Variants in SPAG16 observed in about 807,000 individuals in gnomAD.
SPAG16 encodes the protein sperm associated antigen 16.
Under a neutral mutation model 80.4 loss-of-function variants are expected in SPAG16, and 86 were observed. The observed-to-expected ratio is 1.07, with a 90% confidence interval of 0.90 to 1.28. The LOEUF is 1.28. Among genes scored for constraint, SPAG16 ranks in the 50% most tolerant of loss-of-function variants. The pLI is 0.00. For missense variants in SPAG16, 870 were observed against 765.3 expected (o/e 1.14, Z -1.61); for synonymous variants, 294 against 265.9 (o/e 1.11, Z -1.03).
intron 5 of SPAG16, among the ~76,000 whole-genome samples, chr2:213,328,836 C>T (rs906982421): frequency 6.6e-6 from 1 of 152,080 alleles, no homozygotes; most frequent in Non-Finnish European, 1.5e-5. Context: ...GTGTCCCCAC[C>T]CAAATCTCAT....
intron 10 of SPAG16, among the ~76,000 whole-genome samples, chr2:213,747,780 A>G (rs2067895816): frequency 1.3e-5 from 2 of 152,206 alleles, no homozygotes; most frequent in Non-Finnish European, 2.9e-5. Context: ...TCTTGATACC[A>G]TCTCAGAATA....
At chr2:214,259,272 T>C (rs1576616917) in intron 15 of SPAG16, among the ~76,000 whole-genome samples, 1 of 151,804 alleles carries the variant, frequency 6.6e-6, no homozygotes, top group Non-Finnish European at 1.5e-5. Flanking sequence ...TCAGTTGTTT[T>C]AACTGTGGCT....
At position 213,833,566 on chromosome 2, in the gene SPAG16, A is replaced by AT. The variant is rs1491310920; in HGVS notation, c.1071-28919_1071-28918insT. Among the ~76,000 whole-genome samples the AT allele has an allele frequency of 1.8e-3, 20 of 11,358 alleles. 4 individuals are homozygous for AT. Among genetic ancestry groups the AT allele is most frequent in the African/African-American group, 5.3e-3 (20 of 3,784 alleles). 7.5% of individuals were successfully genotyped at this position (11,358 alleles called of 152,430 possible). ...TATATATAATATATATAATATATAT[A>AT]ATATATATATAATATATATATTATA... On this transcript the variant is annotated intron_variant, in intron 10 of 15. Coordinates refer to ENST00000331683, the MANE Select transcript of SPAG16 (RefSeq NM_024532.5).
chr2:213,329,604 CAG>C (rs969349229), intron 5 of SPAG16, among the ~76,000 whole-genome samples: 6 of 152,252 alleles, frequency 3.9e-5, no homozygotes, highest in East Asian at 3.9e-4. Flanking sequence ...AAAAGGGAAA[CAG>C]AGCATAAAAG....
intron 10 of SPAG16, among the ~76,000 whole-genome samples, chr2:213,657,258 T>A (rs1204529853): frequency 6.6e-6 from 1 of 152,178 alleles, no homozygotes; most frequent in Non-Finnish European, 1.5e-5. Context: ...TAAACATACA[T>A]AAATAAGTAT....
At chr2:213,694,476 T>G (rs1324481999) in intron 10 of SPAG16, among the ~76,000 whole-genome samples, 1 of 152,202 alleles carries the variant, frequency 6.6e-6, no homozygotes, top group Admixed American at 6.5e-5. Context: ...ATGCGTTGCT[T>G]TCTAGTATAC....
intron 15 of SPAG16, among the ~76,000 whole-genome samples, chr2:214,154,457 G>C (rs1338155785): frequency 6.6e-6 from 1 of 151,554 alleles, no homozygotes; most frequent in African/African-American, 2.4e-5. Flanking sequence ...TCCCAAAATG[G>C]GACGAAAATA....
rs554742692 is a variant in SPAG16, at chr2:214,123,032, G to A, written c.1593+14771G>A. On this transcript the variant is annotated intron_variant, in intron 14 of 15. Coordinates refer to ENST00000331683, the MANE Select transcript of SPAG16 (RefSeq NM_024532.5). ...TTAACTTTTTGCCTTAATACTTTTT[G>A]TACTTTGGAAAGAAAATAATTTCTA... 3.3e-5 allele frequency among the ~76,000 whole-genome samples: 5 copies of A among 151,270 alleles called. No individual in the cohort carries two copies. The South Asian group carries it at 8.3e-4, about 25-fold the overall frequency.
intron 10 of SPAG16, among the ~76,000 whole-genome samples, chr2:213,624,800 G>GT (rs940294980): frequency 6.6e-5 from 10 of 151,752 alleles, no homozygotes; most frequent in East Asian, 1.9e-4. Flanking sequence ...TCAGGTTTTT[G>GT]TTTTTTTTGA....
At chr2:214,076,723 G>A (rs926800870) in intron 13 of SPAG16, among the ~76,000 whole-genome samples, 2 of 152,084 alleles carry the variant, frequency 1.3e-5, no homozygotes, top group Admixed American at 6.6e-5. Context: ...GGCTGTGATC[G>A]TGAGAATTTA....
At chr2:214,182,362 C>T (rs1256145802) in intron 15 of SPAG16, among the ~76,000 whole-genome samples, 2 of 151,458 alleles carry the variant, frequency 1.3e-5, no homozygotes, top group South Asian at 2.1e-4. Context: ...TCTTAAATAC[C>T]GTCTATGCCT....
chr2:213,319,796 G>C (rs768359881), intron 5 of SPAG16, among the ~76,000 whole-genome samples: 1 of 151,908 alleles, frequency 6.6e-6, no homozygotes, highest in Non-Finnish European at 1.5e-5. Context: ...ATGTTTAATA[G>C]CAATAATACG....
intron 6 of SPAG16, among the ~76,000 whole-genome samples, chr2:213,348,752 T>C (rs1447517882): frequency 2.6e-5 from 4 of 152,254 alleles, no homozygotes; most frequent in Non-Finnish European, 4.4e-5. Flanking sequence ...GATCAGCTGT[T>C]AGTCTGATGG....
rs549709779 is a variant in SPAG16 at position 214,077,417 on chromosome 2, A to C, written c.1528-30779A>C. Among the ~76,000 whole-genome samples the C allele has an allele frequency of 1.1e-4, 16 of 152,346 alleles. No homozygotes were observed. The East Asian group carries it at 2.3e-3, about 22-fold the overall frequency. ...CAGTTTTATGTCTCATCTATGCAAG[A>C]GGCCAACTCAAAACAAAAGTAGAGT... On this transcript the variant is annotated intron_variant, in intron 13 of 15. Transcript: ENST00000331683.
Position 213,758,501 on chromosome 2 carries a change from A to G in SPAG16, c.1071-103984A>G, listed in dbSNP as rs572884387. Among the ~76,000 whole-genome samples, 5 of 152,228 alleles carry G rather than the reference A, an allele frequency of 3.3e-5. No homozygotes were observed. In the East Asian group the frequency reaches 9.7e-4, roughly 29 times the overall value. On this transcript the variant is annotated intron_variant, in intron 10 of 15. Coordinates refer to ENST00000331683, the MANE Select transcript of SPAG16 (RefSeq NM_024532.5). Reference sequence around the variant, plus strand: ...AATGAAAAAAATTCAATGGATAGGAAACCTCACAAGAAGTTAAAAAAAATT... The same window carrying G: ...AATGAAAAAAATTCAATGGATAGGAGACCTCACAAGAAGTTAAAAAAAATT...
chr2:213,300,575 T>C (rs2062699325), intron 3 of SPAG16, among the ~76,000 whole-genome samples: 1 of 152,208 alleles, frequency 6.6e-6, no homozygotes, highest in African/African-American at 2.4e-5. Context: ...GGGATCTAGC[T>C]GTTCCTCTAA....
chr2:213,625,984 C>G (rs1010304692), intron 10 of SPAG16, among the ~76,000 whole-genome samples: 4 of 152,124 alleles, frequency 2.6e-5, no homozygotes, highest in African/African-American at 9.7e-5. Context: ...GCCACCACAC[C>G]CGGCCTCTAC....
chr2:213,377,705 G>T (rs900589849), intron 9 of SPAG16, among the ~76,000 whole-genome samples: 1 of 151,856 alleles, frequency 6.6e-6, no homozygotes, highest in Non-Finnish European at 1.5e-5. Flanking sequence ...TTGCTAACTG[G>T]CAAGGTTGAA....
chr2:213,315,899 CT>C (rs1201930142), intron 4 of SPAG16, among the ~76,000 whole-genome samples: 4 of 151,986 alleles, frequency 2.6e-5, no homozygotes, highest in African/African-American at 9.6e-5. Context: ...GTAGTGTTTT[CT>C]TTTCCCCTCA....
Sources: gnomAD v4.1 joint callset for allele counts (sites outside exome capture counted in the v4.1 genomes callset) on GRCh38, gnomAD v4.1.1 for gene constraint, MANE v1.5 for transcripts, NCBI Gene and HGNC (gene_info 2026-07-23, HGNC 2026-07-21) for gene names.